Variants in EFHD1 observed in about 807,000 individuals in gnomAD.
The protein encoded by EFHD1 is EF-hand domain family member D1, also known as EF-hand domain-containing protein D1.
In EFHD1, 10 loss-of-function variants were observed where a neutral mutation model predicts 17.2. The ratio of observed to expected loss-of-function variants is 0.58; its 90% CI spans 0.36 to 0.99. The LOEUF (loss-of-function observed/expected upper bound fraction) is 0.99. EFHD1 is among the 50% of genes least tolerant of loss of function. The pLI, the probability that EFHD1 is intolerant of heterozygous loss-of-function variation, is 0.01. For missense variants in EFHD1, 310 were observed against 327.5 expected, an observed-to-expected ratio of 0.95 and a Z score of 0.41; for synonymous variants, 153 against 142.0, an observed-to-expected ratio of 1.08 and a Z score of -0.55.
At chr2:232,642,107 G>A (rs944235454) in intron 1 of EFHD1, among the ~76,000 whole-genome samples, 8 of 152,094 alleles carry the variant, frequency 5.3e-5, no homozygotes, top group East Asian at 1.9e-4. Context: ...AAATGAGGCC[G>A]GGAGTGGTGG....
At chr2:232,625,303 AT>A (rs3085874) in intron 1 of EFHD1, among the ~76,000 whole-genome samples, 1,549 of 141,654 alleles carry the variant, frequency 0.011, 5 homozygotes, top group Middle Eastern at 0.014. Context: ...TAATTTAAAC[AT>A]TTTTTTTTTT....
intron 3 of EFHD1, 30 bp from the exon 4 acceptor site, chr2:232,681,555 G>T (rs559390060): frequency 2.5e-6 from 4 of 1,608,038 alleles, no homozygotes; most frequent in Admixed American, 3.4e-5. Flanking sequence ...TCCCTTACTC[G>T]TTTGGTCTAT....
Position 232,627,067 on chromosome 2 carries a change from T to A in EFHD1, c.14+20894T>A, listed in dbSNP as rs866217289. 2.1e-3 allele frequency among the ~76,000 whole-genome samples: 260 copies of A among 121,290 alleles called. 1 individual carries two copies. The highest frequency in any genetic ancestry group is 0.015 in the Admixed American group (156 of 10,714). The allele number at this position is 121,290 out of a possible 152,430, so 79.6% of individuals were successfully genotyped here. Reference sequence around the variant, plus strand: ...ATATATATATATATATATATATATTTTTTTTTTTTTTTAATTAGCCAGTTG... The same window carrying A: ...ATATATATATATATATATATATATTATTTTTTTTTTTTAATTAGCCAGTTG... On this transcript the variant is annotated intron_variant, in intron 1 of 3. Coordinates refer to the EFHD1 transcript ENST00000409613.
At chr2:232,648,946 G>T (rs1004143401) in intron 1 of EFHD1, among the ~76,000 whole-genome samples, 1 of 152,128 alleles carries the variant, frequency 6.6e-6, no homozygotes, top group South Asian at 2.1e-4. Flanking sequence ...GGCGTGTTCT[G>T]GGGCACTGCT....
At chr2:232,636,642 G>A (rs904732115) in intron 1 of EFHD1, among the ~76,000 whole-genome samples, 3 of 152,018 alleles carry the variant, frequency 2.0e-5, no homozygotes, top group Non-Finnish European at 2.9e-5. Context: ...TGATCAACGT[G>A]GTGAAACCCC....
At chr2:232,652,083 G>A (rs1234420023) in intron 1 of EFHD1, among the ~76,000 whole-genome samples, 2 of 152,212 alleles carry the variant, frequency 1.3e-5, no homozygotes, top group Non-Finnish European at 2.9e-5. Flanking sequence ...ACACCCCTCA[G>A]AGGAGCCTTG....
Position 232,633,677 on chromosome 2 carries a change from G to A in EFHD1, c.-28G>A, listed in dbSNP as rs1178487898. 48 of 1,405,574 alleles carry A rather than the reference G, an allele frequency of 3.4e-5. No individual in the cohort carries two copies. The highest frequency in any genetic ancestry group is 3.8e-5 in the Non-Finnish European group (42 of 1,090,912). The allele number at this position is 1,405,574 out of a possible 1,614,324, so 87.1% of individuals were successfully genotyped here. On this transcript the variant is annotated 5_prime_UTR_variant, in exon 1 of 4. Transcript: ENST00000264059. ...TCCCTGCGTCCCGTCCCGCGTCCCC[G>A]CGTTCCCGCGTCCTGCGATCCGCCG...
rs749522442 is a variant in EFHD1, at chr2:232,682,182, G to C, written c.*463G>C. ...TGGTAGGATTCTGCCAGTTGCTTTT[G>C]CATCTTCTGTTCCTGGGTAATGGTG... On this transcript the variant is annotated 3_prime_UTR_variant, in exon 4 of 4. Transcript: ENST00000264059. 3.4e-4 allele frequency: 52 copies of C among 155,104 alleles called. No individual in the cohort carries two copies. Among genetic ancestry groups the C allele is most frequent in the Non-Finnish European group, 4.3e-4 (30 of 70,188 alleles). 9.6% of individuals were successfully genotyped at this position (155,104 alleles called of 1,614,324 possible).
chr2:232,664,752 T>G (rs1694939532), intron 2 of EFHD1, among the ~76,000 whole-genome samples: 1 of 150,922 alleles, frequency 6.6e-6, no homozygotes, highest in African/African-American at 2.4e-5. Flanking sequence ...TAGCTGGGAC[T>G]ACAGGCGCCT....
At chr2:232,639,020 C>T (rs920511126) in intron 1 of EFHD1, among the ~76,000 whole-genome samples, 1 of 152,144 alleles carries the variant, frequency 6.6e-6, no homozygotes, top group Non-Finnish European at 1.5e-5. Context: ...TAAGTGCTGG[C>T]TGCTTTTACT....
chr2:232,631,941 T>C (rs2106191941), upstream of EFHD1, among the ~76,000 whole-genome samples: 1 of 151,210 alleles, frequency 6.6e-6, no homozygotes, highest in African/African-American at 2.4e-5. Flanking sequence ...AGGCAGGGAC[T>C]GCAGTGAGCC....
chr2:232,610,126 T>C (rs1194053526), intron 1 of EFHD1, among the ~76,000 whole-genome samples: 3 of 151,996 alleles, frequency 2.0e-5, no homozygotes, highest in African/African-American at 2.4e-5. Context: ...AAAGCCCGAG[T>C]TGGGGAAATG....
chr2:232,670,316 C>A (rs1440932571), intron 2 of EFHD1, among the ~76,000 whole-genome samples: 1 of 152,072 alleles, frequency 6.6e-6, no homozygotes, highest in African/African-American at 2.4e-5. Flanking sequence ...TGTCACGCTC[C>A]TGTAATCCAA....
intron 2 of EFHD1, among the ~76,000 whole-genome samples, chr2:232,664,054 A>T (rs1405765240): frequency 6.6e-6 from 1 of 151,940 alleles, no homozygotes; most frequent in Non-Finnish European, 1.5e-5. Flanking sequence ...TGACTCCCAA[A>T]GTGCTGGGAT....
chr2:232,677,278 C>T (rs113450297), intron 3 of EFHD1, among the ~76,000 whole-genome samples: 110 of 25,164 alleles, frequency 4.4e-3, no homozygotes, highest in South Asian at 0.016. Flanking sequence ...CACACATACA[C>T]ACACACACAC....
At chr2:232,662,718 G>T in intron 1 of EFHD1, 84 bp from the exon 2 acceptor site, 1 of 1,522,228 alleles carries the variant, frequency 6.6e-7, no homozygotes, top group Non-Finnish European at 8.7e-7. Context: ...GTCATTTTTC[G>T]ATGAATGAAG....
chr2:232,661,883 C>T (rs760295534), intron 1 of EFHD1: 1 of 152,206 alleles, frequency 6.6e-6, no homozygotes, highest in Non-Finnish European at 1.5e-5. Flanking sequence ...TTTCGTTTCT[C>T]CTTTCATCTG....
chr2:232,644,794 AT>A (rs746133158), intron 1 of EFHD1, among the ~76,000 whole-genome samples: 3,492 of 123,812 alleles, frequency 0.028, 56 homozygotes, highest in African/African-American at 0.061. Context: ...ACCTGGCCTA[AT>A]TTTTTTTTTT....
intron 1 of EFHD1, among the ~76,000 whole-genome samples, chr2:232,627,522 T>A (rs982358239): frequency 6.6e-6 from 1 of 152,160 alleles, no homozygotes; most frequent in African/African-American, 2.4e-5. Flanking sequence ...AAATGACACC[T>A]CCCTTTTTTC....
Sources: allele counts gnomAD v4.1 joint callset (sites outside exome capture counted in the v4.1 genomes callset), GRCh38; gene constraint gnomAD v4.1.1; transcripts MANE v1.5; gene names NCBI Gene and HGNC (gene_info 2026-07-23, HGNC 2026-07-21).